POU6F2: variants seen among roughly 807,000 people sequenced by gnomAD.
The protein encoded by POU6F2 is POU domain, class 6, transcription factor 2.
A neutral mutation model predicts 71.3 loss-of-function variants in POU6F2; 31 were observed. The observed-to-expected ratio is 0.43, with a 90% CI of 0.33 to 0.59. The LOEUF (loss-of-function observed/expected upper bound fraction) is 0.59, where lower values mean the gene tolerates loss of function less well. Ranked by LOEUF, POU6F2 falls within the 20% of genes least tolerant of loss-of-function variation. The pLI is 0.04. For missense variants in POU6F2, 783 were observed against 856.8 expected (o/e 0.91, Z 1.07); for synonymous variants, 347 against 355.7 (o/e 0.98, Z 0.27).
chr7:38,998,390 G>T (rs1472632124), intron 1 of POU6F2, among the ~76,000 whole-genome samples: 1 of 152,156 alleles, frequency 6.6e-6, no homozygotes, highest in Non-Finnish European at 1.5e-5. Flanking sequence ...GGAAGATAGG[G>T]TTGCAGTGCT....
At chr7:39,173,426 GT>G (rs1793265591) in intron 2 of POU6F2, among the ~76,000 whole-genome samples, 1 of 152,204 alleles carries the variant, frequency 6.6e-6, no homozygotes, top group South Asian at 2.1e-4. Context: ...TAACTATTGG[GT>G]AGAGTTGCTG....
At chr7:39,115,130 G>C (rs1193282474) in intron 2 of POU6F2, among the ~76,000 whole-genome samples, 5 of 152,166 alleles carry the variant, frequency 3.3e-5, no homozygotes, top group African/African-American at 1.2e-4. Context: ...CAGCAGATGA[G>C]AAATAGGAGA....
chr7:39,082,494 G>T (rs1435622261), intron 1 of POU6F2, among the ~76,000 whole-genome samples: 1 of 152,110 alleles, frequency 6.6e-6, no homozygotes, highest in African/African-American at 2.4e-5. Flanking sequence ...AGAGATCCTT[G>T]TACAGGTTGA....
intron 2 of POU6F2, among the ~76,000 whole-genome samples, chr7:39,129,135 C>T (rs944569798): frequency 3.9e-5 from 6 of 152,104 alleles, no homozygotes; most frequent in Non-Finnish European, 5.9e-5. Flanking sequence ...TTGGTCATTT[C>T]TTAGTGTGTT....
At chr7:39,284,903 G>A (rs1784624854) in intron 4 of POU6F2, among the ~76,000 whole-genome samples, 1 of 152,144 alleles carries the variant, frequency 6.6e-6, no homozygotes, top group African/African-American at 2.4e-5. Flanking sequence ...TGGTCTGGGT[G>A]GGTCTAGGCA....
Position 39,220,773 on chromosome 7 carries a change from A to G in POU6F2, c.598+13153A>G, listed in dbSNP as rs527304865. ...TGTTTTAAAAGTTAAATGTGATACT[A>G]TATGGAACATACCTAGCATGGTGCC... is the stretch of plus-strand genomic sequence containing the variant. On this transcript the variant is annotated intron_variant, in intron 4 of 9. Coordinates refer to ENST00000518318, the MANE Select transcript of POU6F2 (RefSeq NM_001370959.1). Among the ~76,000 whole-genome samples, 3 of 152,196 alleles carry G rather than the reference A, an allele frequency of 2.0e-5. No homozygotes were observed. In the East Asian group the frequency reaches 5.8e-4, roughly 29 times the overall value.
At chr7:39,238,385 C>T (rs1584618491) in intron 4 of POU6F2, among the ~76,000 whole-genome samples, 1 of 152,220 alleles carries the variant, frequency 6.6e-6, no homozygotes, top group East Asian at 1.9e-4. Context: ...GAAAACAGGG[C>T]TTGGCAAACT....
At chr7:39,319,944 A>G (rs1469218028) in intron 4 of POU6F2, among the ~76,000 whole-genome samples, 1 of 152,264 alleles carries the variant, frequency 6.6e-6, no homozygotes, top group Non-Finnish European at 1.5e-5. Flanking sequence ...GACATCCTCT[A>G]TGCATCTTGT....
chr7:39,122,542 G>A (rs1210375595), intron 2 of POU6F2, among the ~76,000 whole-genome samples: 1 of 152,166 alleles, frequency 6.6e-6, no homozygotes, highest in Non-Finnish European at 1.5e-5. Context: ...TATAACAGCA[G>A]AGGGGAGGCA....
chr7:39,066,395 A>G (rs903837638), intron 1 of POU6F2, among the ~76,000 whole-genome samples: 1 of 151,794 alleles, frequency 6.6e-6, no homozygotes, highest in Admixed American at 6.6e-5. Flanking sequence ...TGAAATAGCC[A>G]TAAATAGTGA....
At chr7:39,380,282 T>C (rs1296693391) in intron 5 of POU6F2, among the ~76,000 whole-genome samples, 1 of 152,190 alleles carries the variant, frequency 6.6e-6, no homozygotes, top group African/African-American at 2.4e-5. Flanking sequence ...GGACAAGGCA[T>C]TTAACCTCAG....
chr7:39,104,784 A>G (rs1242768882), intron 2 of POU6F2, among the ~76,000 whole-genome samples: 6 of 152,204 alleles, frequency 3.9e-5, no homozygotes, highest in African/African-American at 7.2e-5. Context: ...TTACTTCTAC[A>G]TATTTATTTC....
intron 5 of POU6F2, among the ~76,000 whole-genome samples, chr7:39,342,523 CA>C (rs1562797285): frequency 6.6e-6 from 1 of 152,044 alleles, no homozygotes; most frequent in African/African-American, 2.4e-5. Context: ...TTACATTATT[CA>C]AAAATCTGCT....
chr7:39,376,480 TG>T (rs1315591631), intron 5 of POU6F2, among the ~76,000 whole-genome samples: 2 of 152,206 alleles, frequency 1.3e-5, no homozygotes, highest in African/African-American at 4.8e-5. Context: ...ATCTTAGTGC[TG>T]GCTCCATCAC....
intron 4 of POU6F2, among the ~76,000 whole-genome samples, chr7:39,329,766 T>C (rs1785599372): frequency 6.6e-6 from 1 of 152,190 alleles, no homozygotes; most frequent in African/African-American, 2.4e-5. Flanking sequence ...CTCCTGGTTT[T>C]TCTTGGGAGC....
intron 1 of POU6F2, among the ~76,000 whole-genome samples, chr7:39,063,705 C>G (rs907790669): frequency 2.0e-5 from 3 of 151,820 alleles, no homozygotes; most frequent in African/African-American, 7.3e-5. Flanking sequence ...GAGACCCACC[C>G]TAGAGATATC....
chr7:39,288,134 C>G (rs1344642927), intron 4 of POU6F2, among the ~76,000 whole-genome samples: 1 of 152,192 alleles, frequency 6.6e-6, no homozygotes, highest in Non-Finnish European at 1.5e-5. Flanking sequence ...ATTATGCTTT[C>G]TTTTTAATTG....
chr7:39,246,411 G>A (rs973546120), intron 4 of POU6F2, among the ~76,000 whole-genome samples: 1 of 152,128 alleles, frequency 6.6e-6, no homozygotes, highest in Non-Finnish European at 1.5e-5. Flanking sequence ...AGGACACAGT[G>A]TAGATTGAGA....
At chr7:39,397,812 GTGTATATA>G (rs1427831344) in intron 5 of POU6F2, among the ~76,000 whole-genome samples, 1 of 78,496 alleles carries the variant, frequency 1.3e-5, no homozygotes, top group Non-Finnish European at 2.5e-5. Context: ...TATATATTTT[GTGTATATA>G]TATATATATA....
Sources: allele counts gnomAD v4.1 joint callset (sites outside exome capture counted in the v4.1 genomes callset), GRCh38; gene constraint gnomAD v4.1.1; transcripts MANE v1.5; gene names NCBI Gene and HGNC (gene_info 2026-07-23, HGNC 2026-07-21).